VPS4A: variants seen among roughly 807,000 people sequenced by gnomAD.
VPS4A encodes vacuolar protein sorting-associated protein 4A.
A neutral mutation model predicts 52.3 loss-of-function variants in VPS4A; 20 were observed. The ratio of observed to expected loss-of-function variants is 0.38; its 90% CI spans 0.27 to 0.56. The LOEUF is 0.56. Among genes scored for constraint, VPS4A ranks in the 20% least tolerant of loss-of-function variants. The pLI is 0.72. For missense variants in VPS4A, 419 were observed against 575.9 expected (o/e 0.73, Z 2.79); for synonymous variants, 293 against 227.7 (o/e 1.29, Z -2.58).
At position 69,320,134 on chromosome 16, in the gene VPS4A, T is replaced by C; in HGVS notation, c.621-7T>C. 1 of 1,611,786 alleles carries C rather than the reference T, an allele frequency of 6.2e-7. No individual in the cohort carries two copies. Among genetic ancestry groups the C allele is most frequent in the Non-Finnish European group, 8.5e-7 (1 of 1,178,200 alleles). On this transcript the variant is annotated splice_region_variant and splice_polypyrimidine_tract_variant and intron_variant, in intron 6 of 10. Transcript: ENST00000254950. This position sits in a 1 kb window ranked among gnomAD's most constrained non-coding sequence, Gnocchi z 4.2. ...TCTTGTCCTCACCCCCTTTCTCACC[T>C]TCACAGGCTGGTCAAGAACCTGTTT...
At chr16:69,315,626 G>C (rs1425922861) in intron 1 of VPS4A, among the ~76,000 whole-genome samples, 4 of 152,200 alleles carry the variant, frequency 2.6e-5, no homozygotes, top group Non-Finnish European at 4.4e-5. Flanking sequence ...CAAACCAGCA[G>C]TCACTTGCTC....
intron 3 of VPS4A, among the ~76,000 whole-genome samples, chr16:69,317,964 A>AC (rs1277856651): frequency 1.3e-4 from 19 of 149,672 alleles, no homozygotes; most frequent in Admixed American, 3.3e-4. Context: ...AAAAAAAAAA[A>AC]AAAAAAAAAA....
At chr16:69,312,503 A>T (rs764446913) in intron 1 of VPS4A, among the ~76,000 whole-genome samples, 2 of 152,188 alleles carry the variant, frequency 1.3e-5, no homozygotes, top group Non-Finnish European at 2.9e-5. Flanking sequence ...ATCCCACCGT[A>T]CCACCAGCAG....
rs36066565 is a variant in VPS4A at position 69,321,733 on chromosome 16, G to A, written c.1071+463G>A. 0.14 allele frequency: 25,108 copies of A among 184,696 alleles called. 2,001 individuals are homozygous for A. Among genetic ancestry groups the A allele is most frequent in the Middle Eastern group, 0.24 (95 of 390 alleles). The allele number at this position is 184,696 out of a possible 1,614,324, so 11.4% of individuals were successfully genotyped here. The stretch of plus-strand genomic sequence containing the variant: ...AACAGACAAAAATCCTAGACCTTCC[G>A]TTGTTGGTGGGGAGACAGTCAACAC... On this transcript the variant is annotated intron_variant, in intron 9 of 10. Coordinates refer to ENST00000254950, the MANE Select transcript of VPS4A (RefSeq NM_013245.3). The surrounding 1 kb of genome is among the most constrained non-coding windows in gnomAD (Gnocchi z 4.5).
chr16:69,320,988 C>T lies in VPS4A; in HGVS notation c.852-63C>T. ...CCGTTTCACTCAAATCTTCGTGCCTCCCCTTCCGTGAATACCATTCCATCA... is the reference window on the plus strand; with the variant it reads ...CCGTTTCACTCAAATCTTCGTGCCTTCCCTTCCGTGAATACCATTCCATCA... On this transcript the variant is annotated intron_variant, in intron 8 of 10. Transcript: ENST00000254950. This position sits in a 1 kb window ranked among gnomAD's most constrained non-coding sequence, Gnocchi z 4.2. 6.7e-7 allele frequency: 1 copy of T among 1,489,888 alleles called. No individual in the cohort carries two copies. The highest frequency in any genetic ancestry group is 9.2e-7 in the Non-Finnish European group (1 of 1,092,528). 92.3% of individuals were successfully genotyped at this position (1,489,888 alleles called of 1,614,324 possible). A position where few individuals can be genotyped will look rare whatever the true frequency, so the allele number is the denominator to read the frequency against.
chr16:69,323,350 G>A (rs1047303107), intron 10 of VPS4A: 1 of 215,634 alleles, frequency 4.6e-6, no homozygotes, highest in Non-Finnish European at 9.6e-6. Context: ...CGGCCTCACA[G>A]TGTTGCCCAG....
In VPS4A at chr16:69,316,175, G is replaced by C. The variant is rs375795997; in HGVS notation, c.134-50G>C. On this transcript the variant is annotated intron_variant, in intron 2 of 10. Coordinates refer to ENST00000254950, the MANE Select transcript of VPS4A (RefSeq NM_013245.3). ...GCACTCCAGAGGGGAGCGGAGGAGA[G>C]GGGGTGGCGCACGAGCCTCACAGGG... 1,347 of 1,612,344 alleles carry C rather than the reference G, an allele frequency of 8.4e-4. 27 individuals carry two copies. In the South Asian group the frequency reaches 0.014, roughly 17 times the overall value.
chr16:69,321,336 T>G lies in VPS4A; in HGVS notation c.1071+66T>G. The G allele has an allele frequency of 6.7e-7, 1 of 1,497,744 alleles. No individual in the cohort carries two copies. 92.8% of individuals were successfully genotyped at this position (1,497,744 alleles called of 1,614,324 possible). On this transcript the variant is annotated intron_variant, in intron 9 of 10. Coordinates refer to ENST00000254950, the MANE Select transcript of VPS4A (RefSeq NM_013245.3). The surrounding 1 kb of genome is among the most constrained non-coding windows in gnomAD (Gnocchi z 4.5). Reference sequence around the variant, plus strand: ...AGAGCGGGATGTTCGGTTTTTTTTTTCCCAGCTCCTGGTCCTGCTCCCCGG... The same window carrying G: ...AGAGCGGGATGTTCGGTTTTTTTTTGCCCAGCTCCTGGTCCTGCTCCCCGG...
At position 69,321,130 on chromosome 16, in the gene VPS4A, C is replaced by G. The variant is rs750409239; in HGVS notation, c.931C>G (p.Pro311Ala). The G allele has an allele frequency of 2.5e-6, 4 of 1,593,192 alleles. No individual in the cohort carries two copies. Among genetic ancestry groups the G allele is most frequent in the Non-Finnish European group, 3.4e-6 (4 of 1,170,174 alleles). Residue 311 changes from proline (P) to alanine (A), a missense_variant, in exon 9 of 11, where the codon CCC (proline) becomes GCC (alanine). By Grantham distance (27) the Pro-to-Ala change is conservative. Around this residue, in one of 3 missense-constraint regions of VPS4A, gnomAD observed 185 missense variants for 200.2 expected, o/e 0.92. Transcript: ENST00000254950. This position sits in a 1 kb window ranked among gnomAD's most constrained non-coding sequence, Gnocchi z 4.5. The part of the protein sequence containing the change: ...QMFRLHLGST[P>A]HNLTDANIHE... ...GTTCCGGTTGCATCTCGGGAGCACT[C>G]CCCACAACCTCACGGATGCAAACAT... is the stretch of plus-strand genomic sequence containing the variant.
At chr16:69,314,488 ACAT>A (rs1965412427) in intron 1 of VPS4A, among the ~76,000 whole-genome samples, 1 of 152,138 alleles carries the variant, frequency 6.6e-6, no homozygotes, top group African/African-American at 2.4e-5. Flanking sequence ...ATCTGAAGGA[ACAT>A]CATGCAGAAG....
chr16:69,314,517 A>AGCCTGT (rs1426992266), intron 1 of VPS4A, among the ~76,000 whole-genome samples: 1 of 152,102 alleles, frequency 6.6e-6, no homozygotes, highest in Non-Finnish European at 1.5e-5. Flanking sequence ...AGACAAGGGC[A>AGCCTGT]GCCTGTGCCT....
intron 1 of VPS4A, among the ~76,000 whole-genome samples, chr16:69,312,375 A>G (rs547076974): frequency 1.3e-5 from 2 of 152,312 alleles, no homozygotes; most frequent in South Asian, 4.1e-4. Context: ...ACTTCATGGA[A>G]GAAGGGACAT....
At position 69,325,605 on chromosome 16, in the gene VPS4A, C is replaced by G. The variant is rs1965581731; in HGVS notation, c.*1296C>G. On this transcript the variant is annotated 3_prime_UTR_variant, in exon 11 of 11. Coordinates refer to ENST00000254950, the MANE Select transcript of VPS4A (RefSeq NM_013245.3). The stretch of plus-strand genomic sequence containing the variant: ...AAAATTAGCCGGGCGTGGTGGTGGG[C>G]GCCTGCAGTCCCAGCTACTTGGGAG... The G allele has an allele frequency of 1.3e-5, 2 of 151,988 alleles. No individual in the cohort carries two copies. The highest frequency in any genetic ancestry group is 4.2e-4 in the South Asian group (2 of 4,814). 9.4% of individuals were successfully genotyped at this position (151,988 alleles called of 1,614,324 possible).
Position 69,321,326 on chromosome 16 carries a change from GTTTT to G in VPS4A, c.1071+63_1071+66del, listed in dbSNP as rs986634032. 253 of 1,391,998 alleles carry G rather than the reference GTTTT, an allele frequency of 1.8e-4. No individual in the cohort carries two copies. The highest frequency in any genetic ancestry group is 7.1e-4 in the Middle Eastern group (3 of 4,254). 86.2% of individuals were successfully genotyped at this position (1,391,998 alleles called of 1,614,324 possible). ...TCTCATAGTAAGAGCGGGATGTTCG[GTTTT>G]TTTTTTCCCAGCTCCTGGTCCTGCT... On this transcript the variant is annotated intron_variant, in intron 9 of 10. Coordinates refer to ENST00000254950, the MANE Select transcript of VPS4A (RefSeq NM_013245.3). The surrounding 1 kb of genome is among the most constrained non-coding windows in gnomAD (Gnocchi z 4.5).
intron 10 of VPS4A, chr16:69,323,720 C>T (rs375652541): frequency 1.3e-5 from 6 of 451,936 alleles, no homozygotes; most frequent in African/African-American, 4.0e-5. Context: ...GAGGCCGAGG[C>T]GGGCAGATCG....
chr16:69,317,801 A>G (rs1419485978), intron 3 of VPS4A, among the ~76,000 whole-genome samples: 1 of 151,764 alleles, frequency 6.6e-6, no homozygotes, highest in African/African-American at 2.4e-5. Flanking sequence ...TTAAAAAAAA[A>G]ATTAGCCAGG....
At position 69,326,544 on chromosome 16, in the gene VPS4A, G is replaced by T. The variant is rs1965599187; in HGVS notation, c.*2235G>T. 6.6e-6 allele frequency: 1 copy of T among 152,236 alleles called. No homozygotes were observed. The highest frequency in any genetic ancestry group is 1.5e-5 in the Non-Finnish European group (1 of 68,050). 9.4% of individuals were successfully genotyped at this position (152,236 alleles called of 1,614,324 possible). A position where few individuals can be genotyped will look rare whatever the true frequency, so the allele number is the denominator to read the frequency against. ...AAGTCCTAGGGGTTAACAAAGGTTA[G>T]CATGGCTATGGTCCATCCCTGTGCT... On this transcript the variant is annotated 3_prime_UTR_variant, in exon 11 of 11. Coordinates refer to ENST00000254950, the MANE Select transcript of VPS4A (RefSeq NM_013245.3).
intron 6 of VPS4A, among the ~76,000 whole-genome samples, chr16:69,319,903 C>G (rs1965489572): frequency 6.6e-6 from 1 of 152,154 alleles, no homozygotes; most frequent in Non-Finnish European, 1.5e-5. Flanking sequence ...GTTGTAAGTG[C>G]AGAGCTAGCG....
chr16:69,317,390 G>A (rs1965450341), intron 3 of VPS4A, among the ~76,000 whole-genome samples: 1 of 152,184 alleles, frequency 6.6e-6, no homozygotes. Flanking sequence ...GGGCATGGTG[G>A]CTCACACCTG....
Sources: gnomAD v4.1 joint callset for allele counts (sites outside exome capture counted in the v4.1 genomes callset) on GRCh38, gnomAD v4.1.1 for gene constraint, gnomAD v4.1.1 regional missense constraint, Gnocchi (gnomAD v3.1) non-coding constraint, MANE v1.5 for transcripts, NCBI Gene and HGNC (gene_info 2026-07-23, HGNC 2026-07-21) for gene names.